The following MDGA2 variants were observed in gnomAD, a reference collection of about 807,000 sequenced individuals.
MDGA2 encodes the protein MAM domain-containing glycosylphosphatidylinositol anchor protein 2.
A neutral mutation model predicts 117.8 loss-of-function variants in MDGA2; 40 were observed. That is an observed-to-expected ratio of 0.34 (90% CI 0.26 to 0.44). MDGA2 has a LOEUF of 0.44. Among genes scored for constraint, MDGA2 ranks in the 20% least tolerant of loss-of-function variants. The pLI, the probability that MDGA2 is intolerant of heterozygous loss-of-function variation, is 1.00. For synonymous variants in MDGA2, 452 were observed against 439.0 expected (o/e 1.03, Z -0.37); for missense variants, 1,123 against 1,250.6 (o/e 0.90, Z 1.54).
chr14:47,091,182 A>G (rs1958104), intron 6 of MDGA2, among the ~76,000 whole-genome samples: 79,644 of 151,918 alleles, frequency 0.52, 21,219 homozygotes, highest in East Asian at 0.83. Flanking sequence ...TTAGGTTATC[A>G]AAGAGTCATA....
At position 47,543,116 on chromosome 14, in the gene MDGA2, G is replaced by T. The variant is rs551078830; in HGVS notation, c.280+131401C>A. 3.3e-5 allele frequency among the ~76,000 whole-genome samples: 5 copies of T among 152,182 alleles called. No homozygotes were observed. The South Asian group carries it at 1.0e-3, about 32-fold the overall frequency. The stretch of plus-strand genomic sequence containing the variant: ...GTCCCAGCTACTTGGGAGCTGAGGT[G>T]GGGCAATCACTTGAGCCTGGGAGGT... On this transcript the variant is annotated intron_variant, in intron 1 of 16. Coordinates refer to ENST00000399232, the MANE Select transcript of MDGA2 (RefSeq NM_001113498.3).
intron 1 of MDGA2, among the ~76,000 whole-genome samples, chr14:47,669,798 C>T (rs992527973): frequency 2.0e-5 from 3 of 152,024 alleles, no homozygotes; most frequent in Non-Finnish European, 4.4e-5. Flanking sequence ...AGACTAACAC[C>T]CTAAATATGG....
At position 47,218,172 on chromosome 14, in the gene MDGA2, T is replaced by G; in HGVS notation, c.444A>C (p.Gly148=). 1 of 1,549,308 alleles carries G rather than the reference T, an allele frequency of 6.5e-7. No individual in the cohort carries two copies. Among genetic ancestry groups the G allele is most frequent in the Non-Finnish European group, 8.7e-7 (1 of 1,145,694 alleles). The change falls in exon 3 of 17, where the codon GGA becomes GGC. Residue 148 remains glycine (G), a synonymous_variant. Coordinates refer to ENST00000399232, the MANE Select transcript of MDGA2 (RefSeq NM_001113498.3). ...AGTCTTGGAATCTGTCAGAGGCACT[T>G]CCTGCTGTTTTGGTCCACCTGATCT... ...RPQIRWTKTA[G]SASDRFQDSS... is the part of the protein sequence containing the mutation.
chr14:47,042,758 G>A (rs1321072255), intron 7 of MDGA2, among the ~76,000 whole-genome samples: 4 of 152,116 alleles, frequency 2.6e-5, no homozygotes, highest in South Asian at 2.1e-4. Context: ...AAGTGAAATT[G>A]TCAGTATGCT....
chr14:46,972,761 G>A (rs1886318327), intron 8 of MDGA2, among the ~76,000 whole-genome samples: 1 of 151,992 alleles, frequency 6.6e-6, no homozygotes, highest in Non-Finnish European at 1.5e-5. Flanking sequence ...ATTGAAAGAA[G>A]TAACTTTTAA....
intron 9 of MDGA2, among the ~76,000 whole-genome samples, chr14:46,946,935 T>G (rs1013080864): frequency 1.3e-5 from 2 of 152,062 alleles, no homozygotes; most frequent in Non-Finnish European, 2.9e-5. Context: ...GCCCCTTATG[T>G]CATATTGGCA....
intron 1 of MDGA2, among the ~76,000 whole-genome samples, chr14:47,491,936 C>T (rs1894178476): frequency 6.6e-6 from 1 of 152,052 alleles, no homozygotes; most frequent in South Asian, 2.1e-4. Flanking sequence ...TGGTAATACA[C>T]ACTTTTCATT....
At chr14:47,187,333 CA>C (rs1884947841) in intron 3 of MDGA2, among the ~76,000 whole-genome samples, 1 of 151,880 alleles carries the variant, frequency 6.6e-6, no homozygotes, top group Non-Finnish European at 1.5e-5. Flanking sequence ...TAAGAGTTTT[CA>C]GAAATATTCT....
rs61992546 is a variant in MDGA2 at position 47,106,457 on chromosome 14, T to A, written c.926-9334A>T. On this transcript the variant is annotated intron_variant, in intron 5 of 16. Transcript: ENST00000399232. ...CCTCCTCCCACAGGAGCTTGCTACATGTGCCGGAAATCTGGCCACTGGGCC... is the reference window on the plus strand; with the variant it reads ...CCTCCTCCCACAGGAGCTTGCTACAAGTGCCGGAAATCTGGCCACTGGGCC... Among the ~76,000 whole-genome samples, 354 of 150,792 alleles carry A rather than the reference T, an allele frequency of 2.3e-3. 3 individuals carry two copies. Among genetic ancestry groups the A allele is most frequent in the Non-Finnish European group, 3.9e-3 (263 of 67,976 alleles).
At chr14:47,480,750 T>G (rs568572560) in intron 1 of MDGA2, among the ~76,000 whole-genome samples, 6 of 152,040 alleles carry the variant, frequency 3.9e-5, no homozygotes, top group African/African-American at 1.4e-4. Flanking sequence ...CATTGAAGAT[T>G]CAGCAAAATA....
chr14:47,379,416 A>G (rs1891556287), intron 1 of MDGA2, among the ~76,000 whole-genome samples: 2 of 152,234 alleles, frequency 1.3e-5, no homozygotes, highest in African/African-American at 4.8e-5. Flanking sequence ...TAAAAGACAC[A>G]GACTGGCAAA....
At chr14:47,253,655 G>A (rs755279479) in intron 2 of MDGA2, among the ~76,000 whole-genome samples, 3 of 152,170 alleles carry the variant, frequency 2.0e-5, no homozygotes, top group Non-Finnish European at 4.4e-5. Context: ...GGCTTTTCCA[G>A]AAGCACGGTG....
chr14:47,417,970 C>G (rs1314766315), intron 1 of MDGA2, among the ~76,000 whole-genome samples: 4 of 152,160 alleles, frequency 2.6e-5, no homozygotes, highest in African/African-American at 7.2e-5. Context: ...TGCTGGACCT[C>G]CCAAACTGCT....
At chr14:46,922,268 C>A (rs1884161863) in intron 9 of MDGA2, among the ~76,000 whole-genome samples, 2 of 152,046 alleles carry the variant, frequency 1.3e-5, no homozygotes, top group Admixed American at 1.3e-4. Context: ...ATGGAATGGC[C>A]TACCTCAGTA....
At chr14:47,673,548 A>G (rs1425879853) in intron 1 of MDGA2, among the ~76,000 whole-genome samples, 1 of 151,944 alleles carries the variant, frequency 6.6e-6, no homozygotes, top group Non-Finnish European at 1.5e-5. Flanking sequence ...CCAGACCTCA[A>G]AAACACAGAA....
intron 1 of MDGA2, among the ~76,000 whole-genome samples, chr14:47,534,119 C>G (rs1895157997): frequency 6.6e-6 from 1 of 151,950 alleles, no homozygotes; most frequent in Non-Finnish European, 1.5e-5. Context: ...ACATGGGGCT[C>G]AATAGAAGTT....
chr14:47,001,325 A>T (rs1480746036), intron 8 of MDGA2, among the ~76,000 whole-genome samples: 1 of 152,138 alleles, frequency 6.6e-6, no homozygotes, highest in Non-Finnish European at 1.5e-5. Flanking sequence ...ATATCTTAAT[A>T]AGAAATTGAG....
chr14:47,529,749 G>T lies in MDGA2; in HGVS notation c.280+144768C>A, dbSNP rs563869315. On this transcript the variant is annotated intron_variant, in intron 1 of 16. Transcript: ENST00000399232. ...TACCTGGAGAAGCAGTTGTTTTGATGGGTAGGGGTAAGTTACATGTTTGGC... is the reference window on the plus strand; with the variant it reads ...TACCTGGAGAAGCAGTTGTTTTGATTGGTAGGGGTAAGTTACATGTTTGGC... 5.9e-5 allele frequency among the ~76,000 whole-genome samples: 9 copies of T among 152,288 alleles called. No homozygotes were observed. In the East Asian group the frequency reaches 1.7e-3, roughly 29 times the overall value.
rs949125645 is a variant in MDGA2, at chr14:46,841,745, T to C, written c.*186A>G. On this transcript the variant is annotated 3_prime_UTR_variant, in exon 17 of 17. Coordinates refer to ENST00000399232, the MANE Select transcript of MDGA2 (RefSeq NM_001113498.3). ...ATTATCTTTTATGTTTAGTCTGGAA[T>C]AAGTTATACTTCCATGATGTCTTTT... 37 of 425,574 alleles carry C rather than the reference T, an allele frequency of 8.7e-5. 1 individual carries two copies. 26.4% of individuals were successfully genotyped at this position (425,574 alleles called of 1,614,324 possible).
Sources: allele counts gnomAD v4.1 joint callset (sites outside exome capture counted in the v4.1 genomes callset), GRCh38; gene constraint gnomAD v4.1.1; transcripts MANE v1.5; gene names NCBI Gene and HGNC (gene_info 2026-07-23, HGNC 2026-07-21).